Variants in FYB1 observed in about 807,000 individuals in gnomAD.
FYB1 encodes the protein FYN binding protein 1.
A neutral mutation model predicts 94.1 loss-of-function variants in FYB1; 41 were observed. That is an observed-to-expected ratio of 0.44 (90% CI 0.34 to 0.57). FYB1 has a LOEUF of 0.57. Among genes scored for constraint, FYB1 ranks in the 20% least tolerant of loss-of-function variants. The probability of loss-of-function intolerance (pLI) is 0.02; values close to 1 mark genes in which losing one functional copy is unlikely to be tolerated. For synonymous variants in FYB1, 367 were observed against 353.2 expected (o/e 1.04, Z -0.44); for missense variants, 1,050 against 976.8 (o/e 1.07, Z -1.00).
intron 12 of FYB1, among the ~76,000 whole-genome samples, chr5:39,125,575 G>A (rs1207210785): frequency 6.6e-6 from 1 of 152,192 alleles, no homozygotes; most frequent in East Asian, 1.9e-4. Context: ...ATTTTGAAGA[G>A]TATTCAATAT....
intron 2 of FYB1, among the ~76,000 whole-genome samples, chr5:39,182,380 G>A (rs1214189000): frequency 6.7e-6 from 1 of 150,048 alleles, no homozygotes; most frequent in Non-Finnish European, 1.5e-5. Context: ...GTGCTATTTG[G>A]TTATGTCAAA....
chr5:39,272,805 GGGTAAGTCTCT>G lies in FYB1; in HGVS notation c.-28+1587_-28+1597del, dbSNP rs1420810174. Among the ~76,000 whole-genome samples the G allele has an allele frequency of 6.6e-5, 10 of 152,142 alleles. No homozygotes were observed. The South Asian group carries it at 2.1e-3, about 32-fold the overall frequency. ...TATTCAGTTAACAGTGTAATTTATT[GGGTAAGTCTCT>G]GGTTAAGAGAACTTTGAATTTCAAT... On this transcript the variant is annotated intron_variant, in intron 1 of 1. Coordinates refer to the FYB1 transcript ENST00000510188.
At chr5:39,186,530 C>T (rs1257455326) in intron 2 of FYB1, among the ~76,000 whole-genome samples, 1 of 150,920 alleles carries the variant, frequency 6.6e-6, no homozygotes, top group Non-Finnish European at 1.5e-5. Context: ...AAGAGAGGCA[C>T]AGGAAGAGAC....
At chr5:39,242,730 G>A (rs1270798968) in intron 1 of FYB1, among the ~76,000 whole-genome samples, 1 of 152,210 alleles carries the variant, frequency 6.6e-6, no homozygotes, top group African/African-American at 2.4e-5. Flanking sequence ...CATCCAGAGT[G>A]TTTGAACTAG....
intron 9 of FYB1, among the ~76,000 whole-genome samples, chr5:39,131,514 GA>G (rs1741203225): frequency 6.6e-6 from 1 of 152,172 alleles, no homozygotes; most frequent in Admixed American, 6.5e-5. Context: ...AAAAGTGGGT[GA>G]AAGAAATTGA....
rs61731182 is a variant in FYB1, at chr5:39,153,558, T to C, written c.1182A>G (p.Pro394=). The change falls in exon 3 of 19, where the codon CCA becomes CCG. Residue 394 remains proline (P), a synonymous_variant. Coordinates refer to ENST00000512982, the MANE Select transcript of FYB1 (RefSeq NM_001465.6). ...QTSYSTTSLP[P]PPPSHPASQP... ...GGCTGGCCGGATGGGATGGTGGAGG[T>C]GGTGGCAGGGAAGTTGTTGAGTAAG... is the stretch of plus-strand genomic sequence containing the variant. The C allele has an allele frequency of 1.9e-6, 3 of 1,613,428 alleles. No homozygotes were observed. The highest frequency in any genetic ancestry group is 4.5e-5 in the East Asian group (2 of 44,878).
At chr5:39,121,277 T>A (rs1052526322) in intron 14 of FYB1, among the ~76,000 whole-genome samples, 1 of 151,544 alleles carries the variant, frequency 6.6e-6, no homozygotes, top group African/African-American at 2.4e-5. Flanking sequence ...TACTGAAGAT[T>A]CCATTTTTGT....
At chr5:39,166,215 T>C (rs1017596344) in intron 2 of FYB1, among the ~76,000 whole-genome samples, 8 of 152,122 alleles carry the variant, frequency 5.3e-5, no homozygotes, top group Non-Finnish European at 7.3e-5. Flanking sequence ...GGCAAGCAGA[T>C]CACCTGAGGT....
At chr5:39,245,146 T>TA (rs921110084) in intron 1 of FYB1, among the ~76,000 whole-genome samples, 18 of 151,912 alleles carry the variant, frequency 1.2e-4, no homozygotes, top group Admixed American at 3.3e-4. Context: ...GTACTGCAAT[T>TA]AAAAAAAAGT....
intron 1 of FYB1, among the ~76,000 whole-genome samples, chr5:39,245,485 G>C (rs1410028499): frequency 6.6e-6 from 1 of 152,112 alleles, no homozygotes; most frequent in Non-Finnish European, 1.5e-5. Flanking sequence ...TGTTTCACAT[G>C]GTCCTGACAG....
intron 1 of FYB1, among the ~76,000 whole-genome samples, chr5:39,227,723 G>C (rs1345481): frequency 0.17 from 25,666 of 152,116 alleles, 5,782 homozygotes; most frequent in African/African-American, 0.5. Context: ...AATGGCTTCC[G>C]TCATTGAAGT....
At chr5:39,160,064 C>T (rs1744110953) in intron 2 of FYB1, among the ~76,000 whole-genome samples, 1 of 152,106 alleles carries the variant, frequency 6.6e-6, no homozygotes, top group Non-Finnish European at 1.5e-5. Flanking sequence ...TTTGGATGGC[C>T]TCATGGAGAA....
At chr5:39,200,165 G>T (rs1236183290) in intron 2 of FYB1, among the ~76,000 whole-genome samples, 3 of 152,218 alleles carry the variant, frequency 2.0e-5, no homozygotes, top group African/African-American at 7.2e-5. Context: ...AAGGAGAGGA[G>T]AAGGAGAACA....
intron 1 of FYB1, among the ~76,000 whole-genome samples, chr5:39,216,441 G>A (rs894518480): frequency 6.6e-6 from 1 of 151,950 alleles, no homozygotes; most frequent in Non-Finnish European, 1.5e-5. Context: ...ATACATGTGC[G>A]GGATGTGCAG....
chr5:39,150,314 C>T (rs960424755), intron 3 of FYB1, among the ~76,000 whole-genome samples: 1 of 152,068 alleles, frequency 6.6e-6, no homozygotes, highest in Non-Finnish European at 1.5e-5. Flanking sequence ...ACCTGAAGTA[C>T]CTGATGTTAA....
intron 1 of FYB1, among the ~76,000 whole-genome samples, chr5:39,217,124 C>A (rs700191): frequency 0.075 from 11,354 of 152,184 alleles, 1,207 homozygotes; most frequent in African/African-American, 0.22. Context: ...AGAGAGCATT[C>A]CAACAATCAC....
intron 5 of FYB1, 163 bp from the exon 6 acceptor site, chr5:39,138,854 T>C (rs1174625853): frequency 1.5e-6 from 1 of 655,204 alleles, no homozygotes. Flanking sequence ...AGCCATACTG[T>C]GAATTATTTT....
chr5:39,210,004 C>T (rs1341990988), intron 1 of FYB1, among the ~76,000 whole-genome samples: 1 of 152,218 alleles, frequency 6.6e-6, no homozygotes, highest in East Asian at 1.9e-4. Context: ...CACCAGGCCC[C>T]TCTTCAACAG....
intron 3 of FYB1, among the ~76,000 whole-genome samples, chr5:39,150,030 A>C (rs902562630): frequency 6.6e-6 from 1 of 152,138 alleles, no homozygotes; most frequent in Non-Finnish European, 1.5e-5. Flanking sequence ...TGACCTCCAG[A>C]TCTTCCTCAC....
Sources: allele counts gnomAD v4.1 joint callset (sites outside exome capture counted in the v4.1 genomes callset), GRCh38; gene constraint gnomAD v4.1.1; transcripts MANE v1.5; gene names NCBI Gene and HGNC (gene_info 2026-07-23, HGNC 2026-07-21).